EDA2R: variants seen among roughly 807,000 people sequenced by gnomAD.
EDA2R encodes tumor necrosis factor receptor superfamily member 27.
EDA2R carries 26 observed loss-of-function variants against 20.1 expected under a neutral mutation model. The ratio of observed to expected loss-of-function variants is 1.30; its 90% CI spans 0.95 to 1.80. The LOEUF is 1.80. Among genes scored for constraint, EDA2R ranks in the 40% most tolerant of loss-of-function variants. EDA2R has a pLI of 0.00. For synonymous variants in EDA2R, 114 were observed against 88.7 expected (o/e 1.29, Z -1.60); for missense variants, 277 against 228.7 (o/e 1.21, Z -1.36).
rs1343772704 is a variant in EDA2R, at chrX:66,602,697, G to A, written c.453C>T (p.Thr151=). 2.5e-6 allele frequency: 3 copies of A among 1,201,634 alleles called. No individual in the cohort carries two copies. Among genetic ancestry groups the A allele is most frequent in the Admixed American group, 2.2e-5 (1 of 44,967 alleles). The change falls in exon 5 of 7, where the codon ACC becomes ACT. Residue 151 remains threonine (T), a synonymous_variant. Transcript: ENST00000374719. ...GGAAGAAGAGCCCCAGGAAGGCCAG[G>A]GTAAACACCACTAGCAGGCTGCTCA... The part of the protein sequence containing the change: ...ALVSSLLVVF[T]LAFLGLFFLY...
chrX:66,631,280 T>C (rs1161631367), intron 1 of EDA2R, among the ~76,000 whole-genome samples: 2 of 110,760 alleles, frequency 1.8e-5, no homozygotes, highest in Non-Finnish European at 3.8e-5. Context: ...AGGTGATGGA[T>C]GCACCAAAAT....
chrX:66,605,195 T>C lies in EDA2R; in HGVS notation c.119A>G (p.Tyr40Cys). ...CCTGCGAGGAGGGCAGGCTGTGCAGTAGGCATCTCCACCCTCTCCATAACC... is the reference window on the plus strand; with the variant it reads ...CCTGCGAGGAGGGCAGGCTGTGCAGCAGGCATCTCCACCCTCTCCATAACC... ...DCGYGEGGDA[Y>C]CTACPPRRYK... The change falls in exon 3 of 7, where the codon TAC (tyrosine) becomes TGC (cysteine). Residue 40 changes from tyrosine to cysteine, a missense_variant. Physicochemically the swap from Tyr to Cys is radical, Grantham distance 194. Coordinates refer to ENST00000374719, the MANE Select transcript of EDA2R (RefSeq NM_021783.5). 8.3e-7 allele frequency: 1 copy of C among 1,209,021 alleles called. No homozygotes were observed. The highest frequency in any genetic ancestry group is 1.1e-6 in the Non-Finnish European group (1 of 894,229).
At chrX:66,624,813 A>C (rs1346505347) in intron 1 of EDA2R, among the ~76,000 whole-genome samples, 1 of 111,954 alleles carries the variant, frequency 8.9e-6, no homozygotes, top group African/African-American at 3.3e-5. Context: ...GAGACACTCC[A>C]AATACTTTGA....
chrX:66,621,376 A>C (rs1252517923), intron 1 of EDA2R, among the ~76,000 whole-genome samples: 2 of 112,095 alleles, frequency 1.8e-5, no homozygotes, highest in African/African-American at 3.2e-5. Flanking sequence ...TTACAACATG[A>C]CCCAGCAATT....
intron 2 of EDA2R, among the ~76,000 whole-genome samples, chrX:66,611,832 T>TGAACAGATCCC (rs1334850903): frequency 2.7e-5 from 3 of 111,198 alleles, no homozygotes; most frequent in Non-Finnish European, 5.7e-5. Context: ...TTAAAGAGGA[T>TGAACAGATCCC]GAACAGATCC....
intron 1 of EDA2R, among the ~76,000 whole-genome samples, chrX:66,619,972 C>G (rs1234612425): frequency 9.0e-6 from 1 of 111,131 alleles, no homozygotes; most frequent in Non-Finnish European, 1.9e-5. Flanking sequence ...TTTCTATTAC[C>G]CCAGCAGGCT....
chrX:66,605,193 A>T lies in EDA2R; in HGVS notation c.121T>A (p.Cys41Ser). Reference sequence around the variant, plus strand: ...TACCTGCGAGGAGGGCAGGCTGTGCAGTAGGCATCTCCACCCTCTCCATAA... The same window carrying T: ...TACCTGCGAGGAGGGCAGGCTGTGCTGTAGGCATCTCCACCCTCTCCATAA... ...CGYGEGGDAY[C>S]TACPPRRYKS... The change falls in exon 3 of 7, where the codon TGC becomes AGC. Residue 41 changes from cysteine to serine, a missense_variant. Transcript: ENST00000374719. 1 of 1,209,381 alleles carries T rather than the reference A, an allele frequency of 8.3e-7. No homozygotes were observed. The highest frequency in any genetic ancestry group is 1.1e-6 in the Non-Finnish European group (1 of 894,340).
chrX:66,625,867 C>A (rs1389221944), intron 1 of EDA2R, among the ~76,000 whole-genome samples: 1 of 111,898 alleles, frequency 8.9e-6, no homozygotes, highest in Non-Finnish European at 1.9e-5. Context: ...CCAGTACCAG[C>A]CCAAAGCCGG....
At chrX:66,626,745 A>G (rs966912416) in intron 1 of EDA2R, among the ~76,000 whole-genome samples, 1 of 101,058 alleles carries the variant, frequency 9.9e-6, no homozygotes, top group African/African-American at 3.6e-5. Flanking sequence ...CACAAAGGAA[A>G]GAATCTTAAG....
At chrX:66,612,396 T>A (rs1036927230) in intron 2 of EDA2R, among the ~76,000 whole-genome samples, 1 of 111,548 alleles carries the variant, frequency 9.0e-6, no homozygotes, top group African/African-American at 3.3e-5. Context: ...TATTTAAAAG[T>A]GGGGAAAGTA....
At chrX:66,604,350 G>T in intron 4 of EDA2R, 71 bp downstream of exon 4, 1 of 1,006,704 alleles carries the variant, frequency 9.9e-7, no homozygotes, top group Non-Finnish European at 1.4e-6. Flanking sequence ...GATATGGGTA[G>T]TCTTTACTAC....
intron 1 of EDA2R, among the ~76,000 whole-genome samples, chrX:66,633,262 T>C (rs1451515337): frequency 8.9e-6 from 1 of 112,114 alleles, no homozygotes; most frequent in Non-Finnish European, 1.9e-5. Context: ...ATTAAAAATA[T>C]AAATATTTGG....
Position 66,602,899 on chromosome X carries a change from G to A in EDA2R, c.353-102C>T, listed in dbSNP as rs7064807. 2.4e-3 allele frequency: 1,892 copies of A among 774,397 alleles called. 23 individuals are homozygous for A. In the African/African-American group the frequency reaches 0.037, roughly 15 times the overall value. 63.8% of individuals were successfully genotyped at this position (774,397 alleles called of 1,213,427 possible). A position where few individuals can be genotyped will look rare whatever the true frequency, so the allele number is the denominator to read the frequency against. On this transcript the variant is annotated intron_variant, in intron 4 of 6. Transcript: ENST00000374719. ...TCAGGCTGTCACCCTTCTCCCTAGG[G>A]CCTTCCCCAATTAGGGTGGCTATGC...
intron 2 of EDA2R, among the ~76,000 whole-genome samples, chrX:66,613,227 T>C (rs1470636976): frequency 9.0e-6 from 1 of 111,687 alleles, no homozygotes; most frequent in African/African-American, 3.2e-5. Context: ...TGAAACAAAA[T>C]TTAAAAGCAT....
intron 5 of EDA2R, among the ~76,000 whole-genome samples, chrX:66,600,833 C>G (rs899315111): frequency 1.8e-5 from 2 of 111,654 alleles, no homozygotes; most frequent in African/African-American, 6.5e-5. Flanking sequence ...AACACAACTT[C>G]ATTAAAAAAA....
intron 2 of EDA2R, among the ~76,000 whole-genome samples, chrX:66,606,693 AC>A (rs1929742422): frequency 8.9e-6 from 1 of 112,481 alleles, no homozygotes; most frequent in Non-Finnish European, 1.9e-5. Flanking sequence ...TGTACTTGTT[AC>A]ATCCCTCACC....
At chrX:66,615,452 G>A (rs780481838) in intron 2 of EDA2R, among the ~76,000 whole-genome samples, 2 of 111,580 alleles carry the variant, frequency 1.8e-5, no homozygotes, top group Admixed American at 9.5e-5. Flanking sequence ...TGCCTTGCTG[G>A]TCATTTTATT....
At position 66,634,425 on chromosome X, in the gene EDA2R, T is replaced by C. The variant is rs139466559; in HGVS notation, c.-11+4570A>G. Among the ~76,000 whole-genome samples the C allele has an allele frequency of 3.7e-3, 409 of 111,145 alleles. 1 individual carries two copies. Among genetic ancestry groups the C allele is most frequent in the Middle Eastern group, 0.024 (5 of 209 alleles). ...AGTGGCCTTTTGCCCAGTAAAGAAATACCATCCAGCTCTACTTGAAGTCCT... is the reference window on the plus strand; with the variant it reads ...AGTGGCCTTTTGCCCAGTAAAGAAACACCATCCAGCTCTACTTGAAGTCCT... On this transcript the variant is annotated intron_variant, in intron 1 of 6. Transcript: ENST00000374719.
intron 1 of EDA2R, among the ~76,000 whole-genome samples, chrX:66,628,776 G>T (rs1210574465): frequency 9.1e-6 from 1 of 109,913 alleles, no homozygotes; most frequent in Non-Finnish European, 1.9e-5. Context: ...AGAACAATTG[G>T]TACCAATCCT....
Sources: allele counts gnomAD v4.1 joint callset (sites outside exome capture counted in the v4.1 genomes callset), GRCh38; gene constraint gnomAD v4.1.1; transcripts MANE v1.5; gene names NCBI Gene and HGNC (gene_info 2026-07-23, HGNC 2026-07-21).